The following PTPRD variants were observed in gnomAD, a reference collection of about 807,000 sequenced individuals.
PTPRD encodes the protein receptor-type tyrosine-protein phosphatase delta.
In PTPRD, 34 loss-of-function variants were observed where a neutral mutation model predicts 214.5. The ratio of observed to expected loss-of-function variants is 0.16; its 90% CI spans 0.12 to 0.21. PTPRD has a LOEUF of 0.21. PTPRD is among the 10% of genes least tolerant of loss of function. The probability of loss-of-function intolerance (pLI) is 1.00; values close to 1 mark genes in which losing one functional copy is unlikely to be tolerated. For missense variants in PTPRD, 2,545 were observed against 2,398.7 expected, an observed-to-expected ratio of 1.06 and a Z score of -1.27; for synonymous variants, 1,128 against 845.7, an observed-to-expected ratio of 1.33 and a Z score of -5.79.
chr9:9,510,093 C>T (rs1301367386), intron 8 of PTPRD, among the ~76,000 whole-genome samples: 1 of 151,678 alleles, frequency 6.6e-6, no homozygotes, highest in Non-Finnish European at 1.5e-5. Flanking sequence ...ATCACCTTTA[C>T]CTGTGTATGG....
intron 14 of PTPRD, among the ~76,000 whole-genome samples, chr9:8,615,927 C>T (rs1343161014): frequency 6.6e-6 from 1 of 152,056 alleles, no homozygotes; most frequent in Non-Finnish European, 1.5e-5. Flanking sequence ...GTGCTACAGC[C>T]ACAGTCTTGA....
At chr9:10,070,664 GA>G (rs1293429835) in intron 3 of PTPRD, among the ~76,000 whole-genome samples, 2 of 151,780 alleles carry the variant, frequency 1.3e-5, no homozygotes, top group Non-Finnish European at 2.9e-5. Context: ...TATTTAATCA[GA>G]AAAAATATTT....
At chr9:8,439,263 C>A (rs2132704823) in intron 34 of PTPRD, among the ~76,000 whole-genome samples, 1 of 152,210 alleles carries the variant, frequency 6.6e-6, no homozygotes, top group Non-Finnish European at 1.5e-5. Context: ...GACAAATCAC[C>A]TTTTGTGAAG....
chr9:9,263,258 C>G (rs2099980919), intron 9 of PTPRD, among the ~76,000 whole-genome samples: 2 of 151,560 alleles, frequency 1.3e-5, no homozygotes, highest in African/African-American at 2.4e-5. Flanking sequence ...AAGTACATAT[C>G]ATTTTTTGTC....
intron 3 of PTPRD, among the ~76,000 whole-genome samples, chr9:10,075,425 C>A (rs557279285): frequency 6.6e-6 from 1 of 151,940 alleles, no homozygotes; most frequent in East Asian, 1.9e-4. Context: ...TCATTTTCCA[C>A]AGTATTTCTC....
chr9:9,303,102 C>T (rs1956024381), intron 9 of PTPRD, among the ~76,000 whole-genome samples: 1 of 151,878 alleles, frequency 6.6e-6, no homozygotes, highest in African/African-American at 2.4e-5. Flanking sequence ...ACAAAAATTA[C>T]CCCCCAAATC....
At chr9:8,375,378 T>A in intron 39 of PTPRD, among the ~76,000 whole-genome samples, 1 of 152,002 alleles carries the variant, frequency 6.6e-6, no homozygotes, top group East Asian at 1.9e-4. Context: ...AACGACTTCT[T>A]CCAAATTATA....
intron 4 of PTPRD, among the ~76,000 whole-genome samples, chr9:9,949,768 T>G (rs1377725862): frequency 6.6e-6 from 1 of 152,202 alleles, no homozygotes; most frequent in Non-Finnish European, 1.5e-5. Flanking sequence ...TCAGGTCATG[T>G]GTTATCTTCA....
chr9:9,136,778 A>G (rs958555358), intron 10 of PTPRD, among the ~76,000 whole-genome samples: 3 of 152,200 alleles, frequency 2.0e-5, no homozygotes, highest in African/African-American at 7.2e-5. Context: ...CTTTGTCTAT[A>G]TGACAAGTTT....
intron 7 of PTPRD, among the ~76,000 whole-genome samples, chr9:9,607,032 A>C (rs956901951): frequency 1.3e-5 from 2 of 148,976 alleles, no homozygotes; most frequent in African/African-American, 4.9e-5. Context: ...ACCGACCAGC[A>C]TAATTCAGAG....
chr9:9,698,570 G>C (rs922658323), intron 7 of PTPRD, among the ~76,000 whole-genome samples: 21 of 152,186 alleles, frequency 1.4e-4, no homozygotes, highest in African/African-American at 5.1e-4. Context: ...GGCTGGGATA[G>C]AACAAAGTTT....
intron 11 of PTPRD, among the ~76,000 whole-genome samples, chr9:8,893,125 T>C (rs1223487575): frequency 2.0e-5 from 3 of 152,002 alleles, no homozygotes; most frequent in Non-Finnish European, 2.9e-5. Context: ...AAAATATATA[T>C]GATAGAAGAC....
At chr9:9,074,712 T>A (rs896672290) in intron 10 of PTPRD, among the ~76,000 whole-genome samples, 1 of 152,060 alleles carries the variant, frequency 6.6e-6, no homozygotes, top group Non-Finnish European at 1.5e-5. Context: ...ATCAGATGAT[T>A]ACTTTTTTTT....
At chr9:8,772,276 T>A (rs2095261984) in intron 11 of PTPRD, among the ~76,000 whole-genome samples, 1 of 152,142 alleles carries the variant, frequency 6.6e-6, no homozygotes, top group Non-Finnish European at 1.5e-5. Context: ...TATTAACTCA[T>A]CTTCTCTAAT....
intron 11 of PTPRD, among the ~76,000 whole-genome samples, chr9:8,923,725 G>A (rs559910558): frequency 9.2e-5 from 14 of 152,130 alleles, no homozygotes; most frequent in East Asian, 7.7e-4. Flanking sequence ...TGTCCATTTC[G>A]TTGATATTCT....
intron 35 of PTPRD, among the ~76,000 whole-genome samples, chr9:8,423,475 C>T (rs2094484050): frequency 6.6e-6 from 1 of 152,100 alleles, no homozygotes; most frequent in African/African-American, 2.4e-5. Context: ...GTTGCAGAAA[C>T]ATGAAAGGAT....
At chr9:8,541,375 A>G (rs570723046) in intron 14 of PTPRD, among the ~76,000 whole-genome samples, 3 of 152,218 alleles carry the variant, frequency 2.0e-5, no homozygotes, top group South Asian at 4.1e-4. Context: ...GACTACAGGC[A>G]TGTGTCACAA....
chr9:8,735,100 G>A (rs2089860819), intron 11 of PTPRD, among the ~76,000 whole-genome samples: 1 of 151,528 alleles, frequency 6.6e-6, no homozygotes, highest in Non-Finnish European at 1.5e-5. Flanking sequence ...GTAGGTCTGT[G>A]GTGGGGATCC....
intron 5 of PTPRD, among the ~76,000 whole-genome samples, chr9:9,930,520 A>C (rs971178593): frequency 1.4e-4 from 22 of 152,158 alleles, no homozygotes; most frequent in African/African-American, 4.3e-4. Context: ...GTGTCACTCA[A>C]ACTGGATAAA....
Sources: gnomAD v4.1 joint callset for allele counts (sites outside exome capture counted in the v4.1 genomes callset) on GRCh38, gnomAD v4.1.1 for gene constraint, MANE v1.5 for transcripts, NCBI Gene and HGNC (gene_info 2026-07-23, HGNC 2026-07-21) for gene names.